The following SLC8A1 variants were observed in gnomAD, a reference collection of about 807,000 sequenced individuals.
The protein encoded by SLC8A1 is sodium/calcium exchanger 1.
Under a neutral mutation model 68.3 loss-of-function variants are expected in SLC8A1, and 18 were observed. That is an observed-to-expected ratio of 0.26 (90% CI 0.18 to 0.39). The LOEUF (loss-of-function observed/expected upper bound fraction) is 0.39, where lower values mean the gene tolerates loss of function less well. SLC8A1 is among the 10% of genes least tolerant of loss of function. The pLI is 1.00. For synonymous variants in SLC8A1, 475 were observed against 415.5 expected (o/e 1.14, Z -1.74); for missense variants, 985 against 1,156.7 (o/e 0.85, Z 2.15).
intron 1 of SLC8A1, among the ~76,000 whole-genome samples, chr2:40,504,234 C>G (rs1011536154): frequency 6.6e-6 from 1 of 151,918 alleles, no homozygotes; most frequent in African/African-American, 2.4e-5. Flanking sequence ...GTAAATAGGC[C>G]TAGGAAAACT....
intron 2 of SLC8A1, among the ~76,000 whole-genome samples, chr2:40,267,654 G>C (rs2065518393): frequency 1.3e-5 from 2 of 152,160 alleles, no homozygotes; most frequent in Non-Finnish European, 2.9e-5. Context: ...AAAAATTATA[G>C]ATTCTGTCAT....
intron 2 of SLC8A1, among the ~76,000 whole-genome samples, chr2:40,272,353 G>A (rs889927681): frequency 6.6e-6 from 1 of 152,104 alleles, no homozygotes; most frequent in Non-Finnish European, 1.5e-5. Context: ...TATGTGAAGG[G>A]AGATAAGGAG....
intron 2 of SLC8A1, among the ~76,000 whole-genome samples, chr2:40,317,974 G>T (rs1450002885): frequency 6.6e-6 from 1 of 152,082 alleles, no homozygotes; most frequent in Non-Finnish European, 1.5e-5. Context: ...TGGTGGGTCA[G>T]GGCTGAGAGG....
At chr2:40,206,467 C>T (rs1457417613) in intron 2 of SLC8A1, among the ~76,000 whole-genome samples, 1 of 151,968 alleles carries the variant, frequency 6.6e-6, no homozygotes, top group South Asian at 2.1e-4. Flanking sequence ...TTCAGGCAGC[C>T]AAAATGAAGG....
chr2:40,371,632 T>C (rs1276761184), intron 2 of SLC8A1, among the ~76,000 whole-genome samples: 1 of 152,138 alleles, frequency 6.6e-6, no homozygotes, highest in Admixed American at 6.6e-5. Context: ...TCCTAGCTCT[T>C]GCTATTATGA....
At chr2:40,158,263 A>G (rs1159906844) in intron 6 of SLC8A1, among the ~76,000 whole-genome samples, 3 of 152,204 alleles carry the variant, frequency 2.0e-5, no homozygotes, top group Non-Finnish European at 4.4e-5. Flanking sequence ...TTGCCTGTGT[A>G]ACAGCCTAAG....
At chr2:40,366,686 C>G (rs1251314484) in intron 2 of SLC8A1, among the ~76,000 whole-genome samples, 2 of 151,686 alleles carry the variant, frequency 1.3e-5, no homozygotes, top group African/African-American at 4.8e-5. Flanking sequence ...TTTTCTGGCC[C>G]TTTAACTCCA....
intron 2 of SLC8A1, among the ~76,000 whole-genome samples, chr2:40,233,956 A>C (rs892201903): frequency 1.3e-5 from 2 of 151,938 alleles, no homozygotes; most frequent in Non-Finnish European, 2.9e-5. Flanking sequence ...ATTGATCTAT[A>C]TCTCTGTTTT....
exon 8 of SLC8A1, chr2:40,106,909 A>G (rs968673943): frequency 2.6e-5 from 4 of 152,176 alleles, no homozygotes; most frequent in African/African-American, 4.8e-5. Context: ...CCCTTCTGCA[A>G]TCTCACTCCT....
At chr2:40,442,065 G>C (rs1158809936) in intron 1 of SLC8A1, among the ~76,000 whole-genome samples, 1 of 93,514 alleles carries the variant, frequency 1.1e-5, no homozygotes, top group Non-Finnish European at 2.0e-5. Context: ...GGGGGGAGGG[G>C]GGAGGGATAG....
rs1558721487 is a variant in SLC8A1, at chr2:40,200,205, T to TATAA, written c.1809-22351_1809-22350insTTAT. Among the ~76,000 whole-genome samples the TATAA allele has an allele frequency of 8.6e-4, 25 of 28,958 alleles. 1 individual carries two copies. The highest frequency in any genetic ancestry group is 2.6e-3 in the African/African-American group (24 of 9,246). The allele number at this position is 28,958 out of a possible 152,430, so 19.0% of individuals were successfully genotyped here. ...ATATATATATATTTATATATATATA[T>TATAA]AAATATATATATATTTTTTTATATA... On this transcript the variant is annotated intron_variant, in intron 2 of 7. Coordinates refer to ENST00000406785, the Ensembl canonical transcript of SLC8A1.
intron 2 of SLC8A1, among the ~76,000 whole-genome samples, chr2:40,383,633 C>T (rs879288167): frequency 6.6e-6 from 1 of 152,068 alleles, no homozygotes; most frequent in Non-Finnish European, 1.5e-5. Context: ...AAAATTTGCT[C>T]AAGGTCACAC....
At chr2:40,380,897 C>G (rs957241952) in intron 2 of SLC8A1, among the ~76,000 whole-genome samples, 4 of 152,042 alleles carry the variant, frequency 2.6e-5, no homozygotes, top group African/African-American at 9.7e-5. Flanking sequence ...CGTATGGGAT[C>G]CAAAGTAGGG....
At chr2:40,425,768 T>C (rs1478057959) in intron 2 of SLC8A1, among the ~76,000 whole-genome samples, 3 of 152,004 alleles carry the variant, frequency 2.0e-5, no homozygotes, top group Non-Finnish European at 4.4e-5. Context: ...TCTGACTGTA[T>C]GGAAATAAGA....
chr2:40,104,431 G>GT (rs2034075688), exon 8 of SLC8A1: 1 of 152,204 alleles, frequency 6.6e-6, no homozygotes. Context: ...CTGGATGTGT[G>GT]TGTTGGGTCT....
At chr2:40,357,375 C>T (rs1673006311) in intron 2 of SLC8A1, among the ~76,000 whole-genome samples, 1 of 150,584 alleles carries the variant, frequency 6.6e-6, no homozygotes, top group African/African-American at 2.4e-5. Flanking sequence ...TGGGTGCCTG[C>T]AGTCCCGACT....
intron 2 of SLC8A1, among the ~76,000 whole-genome samples, chr2:40,203,561 G>A (rs1442282414): frequency 6.6e-6 from 1 of 151,988 alleles, no homozygotes; most frequent in Non-Finnish European, 1.5e-5. Flanking sequence ...AGAAATGCAA[G>A]AATAGCTTAG....
chr2:40,227,037 G>C (rs941189108), intron 2 of SLC8A1, among the ~76,000 whole-genome samples: 2 of 152,000 alleles, frequency 1.3e-5, no homozygotes, highest in African/African-American at 4.8e-5. Context: ...GTTTTAAATG[G>C]GGTAGTGGAC....
chr2:40,220,829 G>C (rs1482109280), intron 2 of SLC8A1, among the ~76,000 whole-genome samples: 1 of 151,676 alleles, frequency 6.6e-6, no homozygotes, highest in Non-Finnish European at 1.5e-5. Flanking sequence ...GGAAGAGAAA[G>C]AGCTTAGTAA....
Sources: gnomAD v4.1 joint callset for allele counts (sites outside exome capture counted in the v4.1 genomes callset) on GRCh38, gnomAD v4.1.1 for gene constraint, MANE v1.5 for transcripts, NCBI Gene and HGNC (gene_info 2026-07-23, HGNC 2026-07-21) for gene names.